SLC4A5: variants seen among roughly 807,000 people sequenced by gnomAD.
SLC4A5 encodes solute carrier family 4 member 5.
SLC4A5 carries 96 observed loss-of-function variants against 120.4 expected under a neutral mutation model. That is an observed-to-expected ratio of 0.80 (90% CI 0.68 to 0.94). The LOEUF (loss-of-function observed/expected upper bound fraction) is 0.94. Ranked by LOEUF, SLC4A5 falls within the 40% of genes least tolerant of loss-of-function variation. The pLI is 0.00. For missense variants in SLC4A5, 1,259 were observed against 1,459.5 expected (o/e 0.86, Z 2.24); for synonymous variants, 550 against 571.1 (o/e 0.96, Z 0.53).
At chr2:74,221,529 G>A (rs764506335) in intron 29 of SLC4A5, 28 bp from the exon 30 acceptor site, 68 of 1,611,218 alleles carry the variant, frequency 4.2e-5, no homozygotes, top group Non-Finnish European at 5.2e-5. Context: ...AATGTCAGAT[G>A]TGGAGCAGGT....
intron 5 of SLC4A5, among the ~76,000 whole-genome samples, chr2:74,325,818 T>C (rs896665598): frequency 6.9e-6 from 1 of 145,686 alleles, no homozygotes; most frequent in African/African-American, 2.6e-5. Context: ...TTCTTTTTGA[T>C]TCTCAAACCT....
chr2:74,342,436 A>G (rs150770224), intron 2 of SLC4A5, 22 bp downstream of exon 2: 54 of 152,334 alleles, frequency 3.5e-4, no homozygotes, highest in African/African-American at 1.3e-3. Context: ...CATCCAAAAT[A>G]AAGGAGGTGG....
intron 17 of SLC4A5, among the ~76,000 whole-genome samples, chr2:74,249,176 G>A (rs1670713337): frequency 6.6e-6 from 1 of 152,184 alleles, no homozygotes; most frequent in African/African-American, 2.4e-5. Context: ...ATGTCTCCTG[G>A]GGTGAAAATT....
chr2:74,253,337 G>A (rs1264220952), intron 14 of SLC4A5, among the ~76,000 whole-genome samples: 1 of 152,166 alleles, frequency 6.6e-6, no homozygotes, highest in Non-Finnish European at 1.5e-5. Context: ...GCCTCTCTTG[G>A]ATCTGAAGGC....
At chr2:74,275,398 C>T (rs1198838683) in intron 8 of SLC4A5, among the ~76,000 whole-genome samples, 1 of 152,234 alleles carries the variant, frequency 6.6e-6, no homozygotes, top group Non-Finnish European at 1.5e-5. Context: ...ACCAAAACCT[C>T]TCTGAGGGCC....
intron 29 of SLC4A5, 52 bp downstream of exon 29, chr2:74,222,816 A>G (rs1422839357): frequency 3.7e-5 from 54 of 1,465,940 alleles, no homozygotes; most frequent in Non-Finnish European, 5.0e-5. Context: ...CCTAGGGGAA[A>G]GACATGGAGG....
intron 22 of SLC4A5, among the ~76,000 whole-genome samples, chr2:74,234,040 A>G (rs1225850905): frequency 1.3e-5 from 2 of 151,960 alleles, no homozygotes; most frequent in East Asian, 3.9e-4. Flanking sequence ...AGGAGAATAT[A>G]TAAAAAGACT....
intron 1 of SLC4A5, among the ~76,000 whole-genome samples, chr2:74,343,007 G>A (rs1468126641): frequency 6.6e-6 from 1 of 152,116 alleles, no homozygotes; most frequent in Non-Finnish European, 1.5e-5. Flanking sequence ...GACTTTAGAA[G>A]TCTGACATTC....
chr2:74,287,619 C>T (rs1191564346), intron 7 of SLC4A5, among the ~76,000 whole-genome samples: 2 of 152,166 alleles, frequency 1.3e-5, no homozygotes, highest in African/African-American at 2.4e-5. Flanking sequence ...TCCTTGTCAG[C>T]GCCCTCACTG....
chr2:74,240,886 C>G (rs79980408), intron 20 of SLC4A5, among the ~76,000 whole-genome samples: 1 of 152,138 alleles, frequency 6.6e-6, no homozygotes, highest in African/African-American at 2.4e-5. Flanking sequence ...ACCTTGGAGA[C>G]AGTAAAAGCT....
chr2:74,336,265 C>G (rs958600237), intron 3 of SLC4A5, among the ~76,000 whole-genome samples: 5 of 152,032 alleles, frequency 3.3e-5, no homozygotes, highest in African/African-American at 1.2e-4. Flanking sequence ...GATGAGGTCT[C>G]AATATGTTGC....
chr2:74,311,404 G>C (rs1167597272), intron 6 of SLC4A5, among the ~76,000 whole-genome samples: 1 of 151,882 alleles, frequency 6.6e-6, no homozygotes, highest in Non-Finnish European at 1.5e-5. Context: ...GTTGCTTTTA[G>C]ATCTTTCTTC....
intron 12 of SLC4A5, among the ~76,000 whole-genome samples, chr2:74,258,405 T>C (rs993046566): frequency 1.3e-5 from 2 of 152,244 alleles, no homozygotes; most frequent in African/African-American, 4.8e-5. Flanking sequence ...AAGGGACAGC[T>C]AGTGTTATTA....
chr2:74,293,515 T>C (rs976102024), intron 7 of SLC4A5, among the ~76,000 whole-genome samples: 3 of 152,110 alleles, frequency 2.0e-5, no homozygotes, highest in African/African-American at 7.2e-5. Context: ...CCTTTCCTGA[T>C]GGTTTCTGGG....
chr2:74,290,980 A>C (rs1428016856), intron 7 of SLC4A5, among the ~76,000 whole-genome samples: 1 of 152,006 alleles, frequency 6.6e-6, no homozygotes, highest in Non-Finnish European at 1.5e-5. Flanking sequence ...GCTGGAGAGG[A>C]ACCTAGCAGG....
At chr2:74,238,983 T>C (rs751922946) in intron 21 of SLC4A5, among the ~76,000 whole-genome samples, 4 of 152,084 alleles carry the variant, frequency 2.6e-5, no homozygotes, top group African/African-American at 7.2e-5. Flanking sequence ...CAACCCAAAA[T>C]GTGCAAGAGA....
At chr2:74,236,521 A>G (rs1163394375) in intron 21 of SLC4A5, among the ~76,000 whole-genome samples, 1 of 152,174 alleles carries the variant, frequency 6.6e-6, no homozygotes, top group Non-Finnish European at 1.5e-5. Flanking sequence ...CGAAGCTGAG[A>G]ACAATCATTT....
At chr2:74,261,719 A>G (rs1671142035) in intron 11 of SLC4A5, among the ~76,000 whole-genome samples, 2 of 152,162 alleles carry the variant, frequency 1.3e-5, no homozygotes, top group Admixed American at 6.5e-5. Flanking sequence ...CCATGGTGGC[A>G]TGAGACTGCC....
At chr2:74,336,367 C>T (rs1463530649) in intron 3 of SLC4A5, among the ~76,000 whole-genome samples, 1 of 152,154 alleles carries the variant, frequency 6.6e-6, no homozygotes, top group African/African-American at 2.4e-5. Flanking sequence ...CCACGCCTGG[C>T]TGAGGTCATT....
Sources: allele counts gnomAD v4.1 joint callset (sites outside exome capture counted in the v4.1 genomes callset), GRCh38; gene constraint gnomAD v4.1.1; transcripts MANE v1.5; gene names NCBI Gene and HGNC (gene_info 2026-07-23, HGNC 2026-07-21).